Variants in GALNT17 observed in about 807,000 individuals in gnomAD.
GALNT17 encodes the protein UDP-GalNAc:polypeptide N-acetylgalactosaminyltransferase-like 3.
A neutral mutation model predicts 63.7 loss-of-function variants in GALNT17; 29 were observed. The ratio of observed to expected loss-of-function variants is 0.46; its 90% confidence interval spans 0.34 to 0.62. GALNT17 has a LOEUF of 0.62. Among genes scored for constraint, GALNT17 ranks in the 20% least tolerant of loss-of-function variants. The pLI is 0.01. For synonymous variants in GALNT17, 305 were observed against 318.3 expected, an observed-to-expected ratio of 0.96 and a Z score of 0.45; for missense variants, 603 against 799.6, an observed-to-expected ratio of 0.75 and a Z score of 2.97.
chr7:71,389,081 TA>T (rs1379390024), intron 3 of GALNT17, among the ~76,000 whole-genome samples: 9 of 152,136 alleles, frequency 5.9e-5, no homozygotes, highest in African/African-American at 2.2e-4. Context: ...TAGCTTCTCA[TA>T]GGAGCATGAA....
intron 1 of GALNT17, among the ~76,000 whole-genome samples, chr7:71,218,303 T>A (rs2116413534): frequency 6.6e-6 from 1 of 152,086 alleles, no homozygotes; most frequent in Non-Finnish European, 1.5e-5. Context: ...TTGAGGACTC[T>A]TTTCCCTATG....
chr7:71,247,581 C>T (rs969710150), intron 1 of GALNT17, among the ~76,000 whole-genome samples: 3 of 152,162 alleles, frequency 2.0e-5, no homozygotes, highest in South Asian at 4.1e-4. Context: ...CTCAGCCTCC[C>T]GAGCAGCTGG....
intron 6 of GALNT17, among the ~76,000 whole-genome samples, chr7:71,646,085 T>A (rs1347612406): frequency 6.6e-6 from 1 of 152,176 alleles, no homozygotes; most frequent in East Asian, 1.9e-4. Context: ...TGACTAGACT[T>A]GGCATTTTGC....
chr7:71,479,411 G>T (rs545405966), intron 5 of GALNT17, among the ~76,000 whole-genome samples: 51 of 152,316 alleles, frequency 3.3e-4, no homozygotes, highest in Admixed American at 1.4e-3. Flanking sequence ...TCAGAAAAGA[G>T]GCTGTGACAG....
At chr7:71,616,769 TTA>T (rs1790211244) in intron 6 of GALNT17, among the ~76,000 whole-genome samples, 1 of 140,148 alleles carries the variant, frequency 7.1e-6, no homozygotes, top group East Asian at 2.0e-4. Context: ...ATGTTATATA[TTA>T]TGTGTTAATA....
intron 5 of GALNT17, among the ~76,000 whole-genome samples, chr7:71,452,667 A>G (rs1787284999): frequency 6.6e-6 from 1 of 152,194 alleles, no homozygotes; most frequent in Non-Finnish European, 1.5e-5. Flanking sequence ...TAAAAAAATC[A>G]TTTGTATTTG....
rs555004974 is a variant in GALNT17 at position 71,520,049 on chromosome 7, C to T, written c.963-51236C>T. ...CTTCACAGAGGCTCTGAGAAACCAG[C>T]AAGAGGCAGTCCCAGCCCTCAAAGA... On this transcript the variant is annotated intron_variant, in intron 5 of 10. Transcript: ENST00000333538. Among the ~76,000 whole-genome samples, 13 of 152,210 alleles carry T rather than the reference C, an allele frequency of 8.5e-5. No homozygotes were observed. The South Asian group carries it at 1.0e-3, about 12-fold the overall frequency.
intron 2 of GALNT17, among the ~76,000 whole-genome samples, chr7:71,336,579 G>T (rs1362716159): frequency 6.6e-6 from 1 of 152,140 alleles, no homozygotes; most frequent in African/African-American, 2.4e-5. Flanking sequence ...CGACTTATAA[G>T]TGAGAACTGG....
chr7:71,550,389 T>C (rs1358341887), intron 5 of GALNT17, among the ~76,000 whole-genome samples: 1 of 152,168 alleles, frequency 6.6e-6, no homozygotes, highest in Non-Finnish European at 1.5e-5. Flanking sequence ...TGTGTTTTTT[T>C]TGTTCTTTTG....
intron 1 of GALNT17, among the ~76,000 whole-genome samples, chr7:71,217,038 A>G (rs141898330): frequency 1.3e-4 from 19 of 151,878 alleles, no homozygotes; most frequent in African/African-American, 3.6e-4. Flanking sequence ...ATCTTGGCTC[A>G]CTGCAGCCTC....
chr7:71,698,024 GAGGC>G (rs958230614), intron 9 of GALNT17, among the ~76,000 whole-genome samples: 1 of 151,046 alleles, frequency 6.6e-6, no homozygotes, highest in Non-Finnish European at 1.5e-5. Flanking sequence ...TCAGGAGGCT[GAGGC>G]AGGAGAATTG....
chr7:71,653,926 T>C (rs1201984995), intron 6 of GALNT17, among the ~76,000 whole-genome samples: 2 of 152,196 alleles, frequency 1.3e-5, no homozygotes, highest in African/African-American at 4.8e-5. Context: ...TTCCCCCTTA[T>C]CTGAGAGTCT....
intron 6 of GALNT17, among the ~76,000 whole-genome samples, chr7:71,612,073 A>G (rs575058449): frequency 1.3e-5 from 2 of 152,256 alleles, no homozygotes; most frequent in African/African-American, 4.8e-5. Context: ...TGTTCTTGGA[A>G]ACCCTGCTCA....
At chr7:71,185,101 CT>C (rs1788823017) in intron 1 of GALNT17, among the ~76,000 whole-genome samples, 1 of 146,664 alleles carries the variant, frequency 6.8e-6, no homozygotes, top group African/African-American at 2.6e-5. Flanking sequence ...CTTCTCCCTT[CT>C]TCCTCCCCTG....
At chr7:71,295,922 T>G (rs1294647838) in intron 1 of GALNT17, among the ~76,000 whole-genome samples, 1 of 151,926 alleles carries the variant, frequency 6.6e-6, no homozygotes. Context: ...CTTGGGTTTT[T>G]TTTTTTTTTC....
intron 1 of GALNT17, among the ~76,000 whole-genome samples, chr7:71,245,851 T>A (rs1196607843): frequency 2.0e-5 from 3 of 150,354 alleles, no homozygotes. Context: ...AGAGCAGGTT[T>A]TTTTTTTTTT....
intron 2 of GALNT17, among the ~76,000 whole-genome samples, chr7:71,353,358 C>T (rs1239320906): frequency 6.6e-6 from 1 of 152,136 alleles, no homozygotes; most frequent in East Asian, 1.9e-4. Flanking sequence ...AGAACAAGGG[C>T]ATTCTCTTAC....
At chr7:71,624,085 G>A (rs931209400) in intron 6 of GALNT17, among the ~76,000 whole-genome samples, 3 of 152,134 alleles carry the variant, frequency 2.0e-5, no homozygotes, top group Admixed American at 6.5e-5. Context: ...TTGCGATGTC[G>A]GCGGCTGTCC....
In GALNT17 at chr7:71,150,163, G is replaced by A. The variant is rs191507909; in HGVS notation, c.238+17123G>A. The stretch of plus-strand genomic sequence containing the variant: ...CTGTGCCACAGACCTAGGTTTGAGT[G>A]TGCAGTGTAGAATTTTAGTTTGGAG... On this transcript the variant is annotated intron_variant, in intron 1 of 10. Coordinates refer to ENST00000333538, the MANE Select transcript of GALNT17 (RefSeq NM_022479.3). Among the ~76,000 whole-genome samples the A allele has an allele frequency of 4.6e-5, 7 of 152,280 alleles. No individual in the cohort carries two copies. The East Asian group carries it at 1.4e-3, about 29-fold the overall frequency.
Sources: gnomAD v4.1 joint callset for allele counts (sites outside exome capture counted in the v4.1 genomes callset) on GRCh38, gnomAD v4.1.1 for gene constraint, MANE v1.5 for transcripts, NCBI Gene and HGNC (gene_info 2026-07-23, HGNC 2026-07-21) for gene names.